TRPM3: variants seen among roughly 807,000 people sequenced by gnomAD.
TRPM3 encodes long transient receptor potential channel 3.
A neutral mutation model predicts 181.2 loss-of-function variants in TRPM3; 77 were observed. That is an observed-to-expected ratio of 0.42 (90% confidence interval 0.35 to 0.51). The LOEUF (loss-of-function observed/expected upper bound fraction) is 0.51. TRPM3 is among the 20% of genes least tolerant of loss of function. The pLI, the probability that TRPM3 is intolerant of heterozygous loss-of-function variation, is 0.01. For missense variants in TRPM3, 1,759 were observed against 2,196.7 expected, an observed-to-expected ratio of 0.80 and a Z score of 3.98; for synonymous variants, 745 against 796.4, an observed-to-expected ratio of 0.94 and a Z score of 1.09.
chr9:71,418,117 A>T (rs982794918), intron 1 of TRPM3, among the ~76,000 whole-genome samples: 11 of 151,912 alleles, frequency 7.2e-5, no homozygotes, highest in African/African-American at 2.7e-4. Context: ...AATAATAATA[A>T]TAGTCAGCAG....
At chr9:70,880,490 A>C (rs2095968879) in intron 1 of TRPM3, among the ~76,000 whole-genome samples, 1 of 152,088 alleles carries the variant, frequency 6.6e-6, no homozygotes, top group Non-Finnish European at 1.5e-5. Flanking sequence ...CCAATTAGAA[A>C]ATTCTATATT....
At chr9:71,340,920 T>TTTA in intron 1 of TRPM3, among the ~76,000 whole-genome samples, 1 of 152,118 alleles carries the variant, frequency 6.6e-6, no homozygotes, top group Admixed American at 6.5e-5. Context: ...AAAGTAAAAG[T>TTTA]GCCAAAACGC....
At chr9:70,611,372 A>C (rs1287919556) in intron 18 of TRPM3, among the ~76,000 whole-genome samples, 1 of 150,942 alleles carries the variant, frequency 6.6e-6, no homozygotes, top group African/African-American at 2.4e-5. Flanking sequence ...TCATGGGGGC[A>C]GTTTCCCCCA....
intron 22 of TRPM3, among the ~76,000 whole-genome samples, chr9:70,570,519 G>T (rs892520370): frequency 6.6e-6 from 1 of 152,092 alleles, no homozygotes; most frequent in Non-Finnish European, 1.5e-5. Context: ...ATGTTGGCCA[G>T]GCTGGTCTCG....
chr9:70,605,824 C>T (rs1394794028), intron 19 of TRPM3, among the ~76,000 whole-genome samples: 5 of 152,176 alleles, frequency 3.3e-5, no homozygotes, highest in Non-Finnish European at 7.3e-5. Context: ...TTGTTAACTG[C>T]CCTGGTTTTA....
chr9:71,290,703 T>TA lies in TRPM3; in HGVS notation c.183+155949dup, dbSNP rs2085735176. On this transcript the variant is annotated intron_variant, in intron 1 of 24. Coordinates refer to the TRPM3 transcript ENST00000357533. ...AGAGTTAGAGTAATCAAGATATTGC[T>TA]AAAATCCAAGACAATTATACAAGTC... 1.3e-5 allele frequency among the ~76,000 whole-genome samples: 2 copies of TA among 152,074 alleles called. 1 individual carries two copies. The highest frequency in any genetic ancestry group is 4.8e-5 in the African/African-American group (2 of 41,436).
chr9:71,177,596 T>C, intron 1 of TRPM3, among the ~76,000 whole-genome samples: 1 of 152,174 alleles, frequency 6.6e-6, no homozygotes, highest in East Asian at 1.9e-4. Context: ...TTTTCACACA[T>C]GTAAACAGAA....
chr9:71,118,378 G>A (rs1464350816), intron 1 of TRPM3, among the ~76,000 whole-genome samples: 3 of 152,056 alleles, frequency 2.0e-5, no homozygotes, highest in Non-Finnish European at 2.9e-5. Context: ...TTCAGATATC[G>A]GCCTTCCCCT....
intron 1 of TRPM3, among the ~76,000 whole-genome samples, chr9:71,188,433 C>A (rs1329201191): frequency 3.9e-5 from 6 of 151,916 alleles, no homozygotes; most frequent in African/African-American, 1.4e-4. Flanking sequence ...TCACTAGAAT[C>A]ACTGTGTACA....
chr9:71,283,471 CA>C (rs1230893168), intron 1 of TRPM3, among the ~76,000 whole-genome samples: 1 of 151,732 alleles, frequency 6.6e-6, no homozygotes, highest in Non-Finnish European at 1.5e-5. Context: ...TGATTTTTTG[CA>C]TTTTTTTTTT....
chr9:70,997,760 T>C (rs972921411), intron 1 of TRPM3, among the ~76,000 whole-genome samples: 4 of 152,196 alleles, frequency 2.6e-5, no homozygotes, highest in African/African-American at 9.7e-5. Flanking sequence ...GGTATCAACG[T>C]TAATTATAAT....
intron 1 of TRPM3, among the ~76,000 whole-genome samples, chr9:70,865,055 G>C (rs578087255): frequency 1.3e-4 from 20 of 148,366 alleles, no homozygotes; most frequent in Non-Finnish European, 2.5e-4. Context: ...TTGGGGGGGG[G>C]GAGGAAAATA....
intron 1 of TRPM3, among the ~76,000 whole-genome samples, chr9:71,412,926 G>T (rs1031942223): frequency 6.6e-6 from 1 of 151,914 alleles, no homozygotes; most frequent in African/African-American, 2.4e-5. Flanking sequence ...CCATAAAAAA[G>T]GATGAGTTCA....
chr9:71,424,185 A>T (rs1588970426), intron 1 of TRPM3, among the ~76,000 whole-genome samples: 1 of 152,110 alleles, frequency 6.6e-6, no homozygotes, highest in Non-Finnish European at 1.5e-5. Context: ...CATTAAGACC[A>T]TTTCTTCACT....
intron 1 of TRPM3, among the ~76,000 whole-genome samples, chr9:70,946,234 G>A (rs1241859155): frequency 6.6e-6 from 1 of 151,890 alleles, no homozygotes; most frequent in Non-Finnish European, 1.5e-5. Context: ...TGAACTCCTG[G>A]ACTCAAGTGA....
intron 7 of TRPM3, among the ~76,000 whole-genome samples, chr9:70,767,574 A>T (rs562476630): frequency 6.6e-5 from 10 of 152,290 alleles, no homozygotes; most frequent in Admixed American, 2.0e-4. Flanking sequence ...ATTTTTCTCC[A>T]GCATACCTAG....
At chr9:71,229,039 A>C (rs1202069778) in intron 1 of TRPM3, among the ~76,000 whole-genome samples, 1 of 152,062 alleles carries the variant, frequency 6.6e-6, no homozygotes, top group South Asian at 2.1e-4. Flanking sequence ...AACAAAACTG[A>C]AGGAATCACG....
intron 1 of TRPM3, among the ~76,000 whole-genome samples, chr9:70,935,717 A>G (rs1347158527): frequency 6.6e-6 from 1 of 152,208 alleles, no homozygotes; most frequent in African/African-American, 2.4e-5. Flanking sequence ...GTAGACACCT[A>G]AATTTGTTTT....
At chr9:70,655,305 C>CAAAAAAAAAAAAAAAA (rs1169901529) in intron 9 of TRPM3, among the ~76,000 whole-genome samples, 10 of 33,178 alleles carry the variant, frequency 3.0e-4, no homozygotes, top group African/African-American at 6.5e-4. Flanking sequence ...GACTCCGTCT[C>CAAAAAAAAAAAAAAAA]AAAAAAAAAA....
Sources: allele counts gnomAD v4.1 joint callset (sites outside exome capture counted in the v4.1 genomes callset), GRCh38; gene constraint gnomAD v4.1.1; transcripts MANE v1.5; gene names NCBI Gene and HGNC (gene_info 2026-07-23, HGNC 2026-07-21).